Variants in ANO2 observed in about 807,000 individuals in gnomAD.
ANO2 encodes anoctamin 2.
Under a neutral mutation model 124.2 loss-of-function variants are expected in ANO2, and 101 were observed. That is an observed-to-expected ratio of 0.81 (90% CI 0.69 to 0.96). ANO2 has a LOEUF of 0.96. ANO2 is among the 40% of genes least tolerant of loss of function. The pLI is 0.00. For missense variants in ANO2, 1,293 were observed against 1,274.5 expected (o/e 1.01, Z -0.22); for synonymous variants, 486 against 482.5 (o/e 1.01, Z -0.09).
At chr12:5,591,311 G>A (rs377646213) in intron 20 of ANO2, among the ~76,000 whole-genome samples, 38 of 152,278 alleles carry the variant, frequency 2.5e-4, no homozygotes, top group African/African-American at 8.4e-4. Flanking sequence ...TGGGAAGTGC[G>A]GATGATTTTA....
intron 19 of ANO2, among the ~76,000 whole-genome samples, chr12:5,602,989 A>AT (rs1944016244): frequency 6.6e-6 from 1 of 152,248 alleles, no homozygotes; most frequent in Admixed American, 6.5e-5. Flanking sequence ...TTTCAAAAAA[A>AT]TGAACTTTTT....
intron 16 of ANO2, among the ~76,000 whole-genome samples, chr12:5,627,605 T>C (rs1373235657): frequency 6.6e-6 from 1 of 152,222 alleles, no homozygotes; most frequent in African/African-American, 2.4e-5. Flanking sequence ...ACTGTCCACA[T>C]TTAGAAGATT....
At position 5,599,510 on chromosome 12, in the gene ANO2, C is replaced by A. The variant is rs746722987; in HGVS notation, c.2207G>T (p.Gly736Val). The A allele has an allele frequency of 6.2e-7, 1 of 1,611,938 alleles. No homozygotes were observed. The highest frequency in any genetic ancestry group is 1.1e-5 in the South Asian group (1 of 90,380). The change falls in exon 20 of 25, where the codon GGA becomes GTA. Residue 736 changes from glycine (G) to valine (V), a missense_variant. Physicochemically the swap from Gly to Val is moderately radical, Grantham distance 109. Coordinates refer to ENST00000682330, the MANE Select transcript of ANO2 (RefSeq NM_001364791.2). ...DLDYSLEPYT[G>V]LTPEYMEMII... ...CATTTCCATGTACTCCGGAGTCAGT[C>A]CTGTGTATGGTTCCAAGCTGTAGTC... is the stretch of plus-strand genomic sequence containing the variant.
At chr12:5,631,726 C>A (rs1035849732) in intron 16 of ANO2, among the ~76,000 whole-genome samples, 6 of 152,102 alleles carry the variant, frequency 3.9e-5, no homozygotes, top group Non-Finnish European at 8.8e-5. Flanking sequence ...GCAGTCACAG[C>A]AGCATGAGCA....
intron 20 of ANO2, among the ~76,000 whole-genome samples, chr12:5,592,967 A>G (rs947811276): frequency 2.6e-5 from 4 of 152,192 alleles, no homozygotes; most frequent in South Asian, 4.1e-4. Context: ...AACCTGCCCT[A>G]TGCATTTCCT....
rs1952627730 is a variant in ANO2 at position 5,789,171 on chromosome 12, G to C, written c.1055+10336C>G. Among the ~76,000 whole-genome samples, 4 of 152,358 alleles carry C rather than the reference G, an allele frequency of 2.6e-5. No individual in the cohort carries two copies. In the South Asian group the frequency reaches 8.3e-4, roughly 32 times the overall value. ...AGAGATCTACTCGAGGCACCAGCTT[G>C]GGCTTTCAGGAGATGCAGTGCCTCT... On this transcript the variant is annotated intron_variant, in intron 10 of 24. Transcript: ENST00000682330.
intron 10 of ANO2, among the ~76,000 whole-genome samples, chr12:5,765,687 A>G (rs1213876351): frequency 6.6e-6 from 1 of 152,250 alleles, no homozygotes; most frequent in Non-Finnish European, 1.5e-5. Flanking sequence ...TAAGCAAGTA[A>G]TAAGTGTTCA....
chr12:5,937,056 T>G lies in ANO2; in HGVS notation c.22+8140A>C, dbSNP rs143200313. Among the ~76,000 whole-genome samples the G allele has an allele frequency of 9.5e-4, 145 of 152,336 alleles. No homozygotes were observed. The East Asian group carries it at 0.024, about 25-fold the overall frequency. On this transcript the variant is annotated intron_variant, in intron 1 of 24. Coordinates refer to ENST00000682330, the MANE Select transcript of ANO2 (RefSeq NM_001364791.2). ...AGATACCTTTACCAGGTAGTGATTT[T>G]ACTTCTTTCAGTATATACCCAGAAT...
intron 3 of ANO2, among the ~76,000 whole-genome samples, chr12:5,914,991 G>A (rs1034468301): frequency 6.6e-6 from 1 of 152,166 alleles, no homozygotes; most frequent in African/African-American, 2.4e-5. Context: ...CCAGAGCTGT[G>A]TCAGAGCCTG....
rs763636030 is a variant in ANO2, at chr12:5,576,012, A to G, written c.2443T>C (p.Phe815Leu). Residue 815 changes from phenylalanine to leucine, a missense_variant, in exon 23 of 25, where the codon TTT becomes CTT. Transcript: ENST00000682330. ...AAGTCGGAGGTGATCGCAATGACAA[A>G]AGCCTGAGGGACAGAACCATAAGCA... The part of the protein sequence containing the change: ...IGKFSVISNA[F>L]VIAITSDFIP... The G allele has an allele frequency of 6.2e-6, 10 of 1,603,474 alleles. No individual in the cohort carries two copies. The highest frequency in any genetic ancestry group is 8.5e-6 in the Non-Finnish European group (10 of 1,174,638).
chr12:5,615,537 T>A (rs775557531), intron 16 of ANO2, among the ~76,000 whole-genome samples: 5 of 152,090 alleles, frequency 3.3e-5, no homozygotes, highest in Non-Finnish European at 5.9e-5. Context: ...TCCACCTTCC[T>A]CCTCTTGTCT....
At chr12:5,835,607 C>G (rs1954289710) in intron 4 of ANO2, among the ~76,000 whole-genome samples, 1 of 152,208 alleles carries the variant, frequency 6.6e-6, no homozygotes, top group Non-Finnish European at 1.5e-5. Context: ...GCCAAGATCA[C>G]ACAGATAGTG....
chr12:5,616,489 G>A (rs3782598), intron 16 of ANO2, among the ~76,000 whole-genome samples: 42,446 of 152,116 alleles, frequency 0.28, 6,716 homozygotes, highest in African/African-American at 0.43. Flanking sequence ...GGGAACACAA[G>A]TATTAGGCTT....
Position 5,832,329 on chromosome 12 carries a change from C to G in ANO2, c.785+123G>C, listed in dbSNP as rs575819293. 2.7e-6 allele frequency: 3 copies of G among 1,112,704 alleles called. No individual in the cohort carries two copies. The Admixed American group carries it at 6.8e-5, about 25-fold the overall frequency. 68.9% of individuals were successfully genotyped at this position (1,112,704 alleles called of 1,614,324 possible). On this transcript the variant is annotated intron_variant, in intron 5 of 24. Transcript: ENST00000682330. ...CAATGTCACCATGAGAGCATGCTTC[C>G]TACTCTCTCTCCCAGGCACTGGGGC...
intron 23 of ANO2, among the ~76,000 whole-genome samples, chr12:5,574,546 A>G (rs1342660916): frequency 6.6e-6 from 1 of 152,154 alleles, no homozygotes; most frequent in Non-Finnish European, 1.5e-5. Flanking sequence ...CTTCAGTCCA[A>G]GTTTTGGAGA....
rs572911260 is a variant in ANO2, at chr12:5,878,644, C to T, written c.535-24503G>A. Among the ~76,000 whole-genome samples the T allele has an allele frequency of 2.6e-5, 4 of 152,252 alleles. No homozygotes were observed. The East Asian group carries it at 7.7e-4, about 29-fold the overall frequency. The stretch of plus-strand genomic sequence containing the variant: ...ACATAGACAAACAAATAACATAGTA[C>T]CCAATACCAATAAAGCTAGAGATCA... On this transcript the variant is annotated intron_variant, in intron 3 of 24. Transcript: ENST00000682330.
chr12:5,678,948 T>A (rs714328), intron 14 of ANO2, among the ~76,000 whole-genome samples: 1 of 152,000 alleles, frequency 6.6e-6, no homozygotes, highest in Admixed American at 6.6e-5. Flanking sequence ...CAGAAAAGCA[T>A]GCGAGTGGGT....
chr12:5,610,194 TATACTTATATAA>T (rs1357514091), intron 19 of ANO2, among the ~76,000 whole-genome samples: 17 of 72,804 alleles, frequency 2.3e-4, no homozygotes, highest in African/African-American at 3.5e-4. Context: ...TATATAAATA[TATACTTATATAA>T]ATACTTATAT....
intron 15 of ANO2, among the ~76,000 whole-genome samples, chr12:5,638,576 T>C (rs985740740): frequency 5.3e-5 from 8 of 151,070 alleles, no homozygotes; most frequent in African/African-American, 1.9e-4. Context: ...ACGTATTTTC[T>C]GGCCGCTTAT....
Sources: allele counts gnomAD v4.1 joint callset (sites outside exome capture counted in the v4.1 genomes callset), GRCh38; gene constraint gnomAD v4.1.1; transcripts MANE v1.5; gene names NCBI Gene and HGNC (gene_info 2026-07-23, HGNC 2026-07-21).